RBFOX1: variants seen among roughly 807,000 people sequenced by gnomAD.
RBFOX1 encodes the protein RNA binding protein fox-1 homolog 1.
A neutral mutation model predicts 57.7 loss-of-function variants in RBFOX1; 8 were observed. The ratio of observed to expected loss-of-function variants is 0.14; its 90% CI spans 0.08 to 0.25. The LOEUF (loss-of-function observed/expected upper bound fraction) is 0.25. Ranked by LOEUF, RBFOX1 falls within the 10% of genes least tolerant of loss-of-function variation. The pLI, the probability that RBFOX1 is intolerant of heterozygous loss-of-function variation, is 1.00. For synonymous variants in RBFOX1, 326 were observed against 222.4 expected (o/e 1.47, Z -4.15); for missense variants, 611 against 548.5 (o/e 1.11, Z -1.14).
At chr16:6,093,051 C>T (rs1401655198) in intron 1 of RBFOX1, 1 of 152,098 alleles carries the variant, frequency 6.6e-6, no homozygotes, top group African/African-American at 2.4e-5. Context: ...GCACATGTAC[C>T]ACTGACCCTA....
chr16:6,234,544 G>A (rs1481481016), intron 1 of RBFOX1, among the ~76,000 whole-genome samples: 1 of 152,140 alleles, frequency 6.6e-6, no homozygotes, highest in Non-Finnish European at 1.5e-5. Flanking sequence ...AAGGCTTCAG[G>A]AATAGGAGCA....
intron 1 of RBFOX1, among the ~76,000 whole-genome samples, chr16:5,463,312 C>G (rs1290759501): frequency 6.6e-6 from 1 of 152,122 alleles, no homozygotes; most frequent in Non-Finnish European, 1.5e-5. Context: ...CAGGGCAGCT[C>G]AGTGGCATGA....
chr16:5,957,933 C>T (rs560509913), intron 4 of RBFOX1, among the ~76,000 whole-genome samples: 16 of 152,178 alleles, frequency 1.1e-4, no homozygotes, highest in African/African-American at 2.6e-4. Flanking sequence ...TTACTGTACC[C>T]GTTAACCATC....
intron 4 of RBFOX1, among the ~76,000 whole-genome samples, chr16:7,299,329 A>C (rs2095974558): frequency 6.6e-6 from 1 of 152,218 alleles, no homozygotes; most frequent in African/African-American, 2.4e-5. Flanking sequence ...GCTCATTTGT[A>C]GTGGGAGCGA....
intron 4 of RBFOX1, among the ~76,000 whole-genome samples, chr16:7,399,526 T>C (rs2098202141): frequency 6.6e-6 from 1 of 152,182 alleles, no homozygotes; most frequent in Non-Finnish European, 1.5e-5. Flanking sequence ...AGACTTTGGA[T>C]ACTTTGAGGG....
rs75010300 is a variant in RBFOX1 at position 7,248,264 on chromosome 16, G to A, written c.27+196166G>A. Among the ~76,000 whole-genome samples, 798 of 152,212 alleles carry A rather than the reference G, an allele frequency of 5.2e-3. 4 individuals carry two copies. Among genetic ancestry groups the A allele is most frequent in the African/African-American group, 0.018 (743 of 41,542 alleles). On this transcript the variant is annotated intron_variant, in intron 4 of 15. Coordinates refer to ENST00000550418, the MANE Select transcript of RBFOX1 (RefSeq NM_018723.4). Reference sequence around the variant, plus strand: ...TTAACACAGTGAGTGGCACATGAACGGCTTTGCAAATTCTTGCTGCCTTTC... The same window carrying A: ...TTAACACAGTGAGTGGCACATGAACAGCTTTGCAAATTCTTGCTGCCTTTC...
chr16:5,321,369 G>T (rs766918546), intron 1 of RBFOX1, among the ~76,000 whole-genome samples: 1 of 151,688 alleles, frequency 6.6e-6, no homozygotes, highest in Non-Finnish European at 1.5e-5. Flanking sequence ...ACCCAGGCTG[G>T]AGTGCAGTGG....
chr16:6,905,478 G>T (rs562074936), intron 3 of RBFOX1, among the ~76,000 whole-genome samples: 3 of 151,774 alleles, frequency 2.0e-5, no homozygotes, highest in African/African-American at 7.3e-5. Flanking sequence ...GCTTGAACCC[G>T]GGAGGCATAG....
chr16:6,907,019 C>T (rs1453787325), intron 3 of RBFOX1, among the ~76,000 whole-genome samples: 1 of 152,078 alleles, frequency 6.6e-6, no homozygotes, highest in African/African-American at 2.4e-5. Flanking sequence ...CCACCGCACC[C>T]AGCTTGCAGA....
intron 2 of RBFOX1, among the ~76,000 whole-genome samples, chr16:6,405,446 C>A (rs2093243679): frequency 2.0e-5 from 3 of 152,128 alleles, no homozygotes; most frequent in Admixed American, 2.0e-4. Flanking sequence ...GGAGGCTTCA[C>A]CATCCCACCA....
At chr16:5,917,174 A>G (rs991253917) in intron 4 of RBFOX1, among the ~76,000 whole-genome samples, 38 of 152,146 alleles carry the variant, frequency 2.5e-4, no homozygotes, top group African/African-American at 8.2e-4. Context: ...ACAGGATGCC[A>G]GGCTGTTTTT....
chr16:6,788,121 C>G (rs950711462), intron 3 of RBFOX1, among the ~76,000 whole-genome samples: 4 of 152,214 alleles, frequency 2.6e-5, no homozygotes, highest in African/African-American at 9.6e-5. Flanking sequence ...ACTGGGAAGG[C>G]TGAGGCAGGA....
At chr16:5,375,998 C>A (rs929754564) in intron 1 of RBFOX1, among the ~76,000 whole-genome samples, 12 of 151,908 alleles carry the variant, frequency 7.9e-5, no homozygotes, top group Non-Finnish European at 1.8e-4. Flanking sequence ...AAAACCCCAT[C>A]TCTACTAAAA....
intron 4 of RBFOX1, among the ~76,000 whole-genome samples, chr16:7,267,112 A>T (rs982405321): frequency 1.3e-5 from 2 of 152,192 alleles, no homozygotes; most frequent in Admixed American, 1.3e-4. Context: ...AGTGTTACCT[A>T]TTAAATGCAA....
intron 4 of RBFOX1, among the ~76,000 whole-genome samples, chr16:7,452,981 T>G (rs1436274711): frequency 1.3e-5 from 2 of 151,706 alleles, no homozygotes; most frequent in African/African-American, 4.8e-5. Flanking sequence ...ATACAAAAAT[T>G]AGCAGGGCAT....
chr16:6,260,000 A>G (rs1179764043), intron 1 of RBFOX1, among the ~76,000 whole-genome samples: 1 of 150,348 alleles, frequency 6.7e-6, no homozygotes, highest in Admixed American at 6.7e-5. Flanking sequence ...GTCCATTCCC[A>G]CTTTCAAATC....
intron 4 of RBFOX1, among the ~76,000 whole-genome samples, chr16:7,187,732 GAAAA>G (rs1332527261): frequency 5.6e-5 from 5 of 89,190 alleles, no homozygotes; most frequent in African/African-American, 2.7e-4. Context: ...AAAAGGAAAA[GAAAA>G]GAAGCGCTTT....
chr16:6,212,676 C>T (rs771463678), intron 1 of RBFOX1, among the ~76,000 whole-genome samples: 4 of 152,018 alleles, frequency 2.6e-5, no homozygotes, highest in Non-Finnish European at 5.9e-5. Context: ...CACTGCACTC[C>T]AGCCTGGGTG....
chr16:7,690,702 G>A (rs369680632), intron 14 of RBFOX1, among the ~76,000 whole-genome samples: 72 of 152,084 alleles, frequency 4.7e-4, no homozygotes, highest in South Asian at 2.9e-3. Context: ...TGGATATAGC[G>A]GAGACATTCG....
Sources: allele counts gnomAD v4.1 joint callset (sites outside exome capture counted in the v4.1 genomes callset), GRCh38; gene constraint gnomAD v4.1.1; transcripts MANE v1.5; gene names NCBI Gene and HGNC (gene_info 2026-07-23, HGNC 2026-07-21).